Variants in SUGCT observed in about 807,000 individuals in gnomAD.
The protein encoded by SUGCT is succinyl-CoA:glutarate-CoA transferase, also known as succinyl-CoA:glutarate CoA-transferase.
Under a neutral mutation model 55.0 loss-of-function variants are expected in SUGCT, and 41 were observed. The observed-to-expected ratio is 0.74, with a 90% CI of 0.58 to 0.97. SUGCT has a LOEUF of 0.97. Ranked by LOEUF, SUGCT falls within the 50% of genes least tolerant of loss-of-function variation. The pLI is 0.00. For synonymous variants in SUGCT, 187 were observed against 200.4 expected (o/e 0.93, Z 0.56); for missense variants, 568 against 547.8 (o/e 1.04, Z -0.37).
At chr7:40,778,265 G>A (rs921196361) in intron 13 of SUGCT, among the ~76,000 whole-genome samples, 13 of 152,174 alleles carry the variant, frequency 8.5e-5, no homozygotes, top group African/African-American at 3.1e-4. Context: ...TAGCACCCTT[G>A]GGGTGTGAGA....
At chr7:40,614,673 C>T (rs1415041624) in intron 12 of SUGCT, among the ~76,000 whole-genome samples, 1 of 152,020 alleles carries the variant, frequency 6.6e-6, no homozygotes, top group Non-Finnish European at 1.5e-5. Context: ...GTGTTTTTCT[C>T]CTGTATTGAA....
At chr7:40,689,647 G>A (rs1449918651) in intron 12 of SUGCT, among the ~76,000 whole-genome samples, 3 of 152,040 alleles carry the variant, frequency 2.0e-5, no homozygotes, top group African/African-American at 7.2e-5. Context: ...CAAATGAGAT[G>A]AAACCATGGC....
the SUGCT span, among the ~76,000 whole-genome samples, chr7:40,908,106 G>A: frequency 3.3e-5 from 5 of 151,878 alleles, no homozygotes; most frequent in African/African-American, 4.8e-5. Context: ...GGCCGGGTGC[G>A]GTGGCTCGCA....
At chr7:40,221,249 A>G (rs1788004828) in intron 6 of SUGCT, among the ~76,000 whole-genome samples, 1 of 151,672 alleles carries the variant, frequency 6.6e-6, no homozygotes, top group African/African-American at 2.4e-5. Flanking sequence ...CCCAGTCTCT[A>G]CTAAAAATAC....
At chr7:40,568,290 A>G (rs1796255658) in intron 12 of SUGCT, among the ~76,000 whole-genome samples, 2 of 152,008 alleles carry the variant, frequency 1.3e-5, no homozygotes, top group African/African-American at 4.8e-5. Flanking sequence ...ATAACCTATA[A>G]CCCTGATAAG....
At chr7:40,950,818 T>C in the SUGCT span, among the ~76,000 whole-genome samples, 1 of 152,212 alleles carries the variant, frequency 6.6e-6, no homozygotes, top group Non-Finnish European at 1.5e-5. Flanking sequence ...CACTTGATCA[T>C]GGTGGATAAG....
At chr7:40,533,388 T>C (rs1281680625) in intron 12 of SUGCT, among the ~76,000 whole-genome samples, 1 of 152,122 alleles carries the variant, frequency 6.6e-6, no homozygotes, top group East Asian at 1.9e-4. Context: ...TATTTTAGAA[T>C]ATCAATTAAG....
intron 13 of SUGCT, among the ~76,000 whole-genome samples, chr7:40,802,381 A>G (rs778873631): frequency 6.6e-6 from 1 of 152,024 alleles, no homozygotes; most frequent in African/African-American, 2.4e-5. Flanking sequence ...CTGACTTTAC[A>G]ATGTGATCAT....
chr7:40,196,001 A>G (rs1477747071), intron 6 of SUGCT, among the ~76,000 whole-genome samples: 1 of 152,184 alleles, frequency 6.6e-6, no homozygotes, highest in Non-Finnish European at 1.5e-5. Context: ...GGCATGAGCC[A>G]TCACTCCTGG....
chr7:40,695,167 T>A (rs540205399), intron 12 of SUGCT, among the ~76,000 whole-genome samples: 68 of 135,508 alleles, frequency 5.0e-4, no homozygotes, highest in African/African-American at 1.1e-3. Flanking sequence ...AAACCCTTAT[T>A]TTTATTTATT....
intron 9 of SUGCT, among the ~76,000 whole-genome samples, chr7:40,377,867 TTTTG>T (rs1006829027): frequency 6.6e-5 from 10 of 152,162 alleles, no homozygotes; most frequent in African/African-American, 2.4e-4. Context: ...TGGTATATGT[TTTTG>T]TTTGTGTTTT....
At position 40,182,078 on chromosome 7, in the gene SUGCT, T is replaced by A. The variant is rs575197867; in HGVS notation, c.226+50T>A. Reference sequence around the variant, plus strand: ...AATAGAAACAAGCTAATAAATATTTTAAAATAATTCTCTAAATACCCATGT... The same window carrying A: ...AATAGAAACAAGCTAATAAATATTTAAAAATAATTCTCTAAATACCCATGT... On this transcript the variant is annotated intron_variant, in intron 3 of 13. Transcript: ENST00000335693. The A allele has an allele frequency of 5.3e-4, 578 of 1,094,212 alleles. 2 individuals carry two copies. Among genetic ancestry groups the A allele is most frequent in the South Asian group, 7.5e-4 (52 of 69,368 alleles). The allele number at this position is 1,094,212 out of a possible 1,614,324, so 67.8% of individuals were successfully genotyped here.
chr7:40,581,753 A>G (rs138265197), intron 12 of SUGCT, among the ~76,000 whole-genome samples: 5 of 152,330 alleles, frequency 3.3e-5, no homozygotes, highest in Non-Finnish European at 7.4e-5. Context: ...TGTAGTACAA[A>G]TAGTGCCTAA....
chr7:40,291,650 TATA>T (rs1420692492), intron 8 of SUGCT, among the ~76,000 whole-genome samples: 1 of 134,836 alleles, frequency 7.4e-6, no homozygotes, highest in Non-Finnish European at 1.6e-5. Flanking sequence ...AAACTTAAAG[TATA>T]ATAATAATAA....
chr7:40,151,658 C>T (rs1388412065), intron 1 of SUGCT: 1 of 222,850 alleles, frequency 4.5e-6, no homozygotes, highest in Non-Finnish European at 1.0e-5. Context: ...TAGTTGTAAA[C>T]CTGCATGAGA....
At chr7:40,663,485 ATG>A (rs59033010) in intron 12 of SUGCT, among the ~76,000 whole-genome samples, 4,349 of 134,406 alleles carry the variant, frequency 0.032, 82 homozygotes, top group African/African-American at 0.056. Context: ...TTTGTGGTGT[ATG>A]TGTGTGTGTG....
chr7:40,485,826 T>G (rs1338929669), intron 11 of SUGCT, among the ~76,000 whole-genome samples: 2 of 152,200 alleles, frequency 1.3e-5, no homozygotes, highest in Non-Finnish European at 2.9e-5. Context: ...TCTGTTAGTG[T>G]GATGTATCAG....
chr7:40,670,849 A>G (rs1344528487), intron 12 of SUGCT, among the ~76,000 whole-genome samples: 1 of 152,182 alleles, frequency 6.6e-6, no homozygotes, highest in East Asian at 1.9e-4. Flanking sequence ...ATGTTAAAAA[A>G]AACAAAAAAA....
the SUGCT span, among the ~76,000 whole-genome samples, chr7:40,973,581 G>A: frequency 6.6e-6 from 1 of 152,168 alleles, no homozygotes; most frequent in Non-Finnish European, 1.5e-5. Context: ...AGTAGGAAAG[G>A]TTTGTCCTTG....
Sources: gnomAD v4.1 joint callset for allele counts (sites outside exome capture counted in the v4.1 genomes callset) on GRCh38, gnomAD v4.1.1 for gene constraint, MANE v1.5 for transcripts, NCBI Gene and HGNC (gene_info 2026-07-23, HGNC 2026-07-21) for gene names.